NOP14: variants seen among roughly 807,000 people sequenced by gnomAD.
NOP14 encodes NOP14 nucleolar protein.
A neutral mutation model predicts 101.6 loss-of-function variants in NOP14; 57 were observed. That is an observed-to-expected ratio of 0.56 (90% CI 0.45 to 0.70). NOP14 has a LOEUF of 0.70. Ranked by LOEUF, NOP14 falls within the 30% of genes least tolerant of loss-of-function variation. NOP14 has a pLI of 0.00. For synonymous variants in NOP14, 428 were observed against 424.0 expected (o/e 1.01, Z -0.12); for missense variants, 1,134 against 1,075.5 (o/e 1.05, Z -0.76).
intron 3 of NOP14, 116 bp downstream of exon 3, chr4:2,956,554 G>T: frequency 9.6e-7 from 1 of 1,045,676 alleles, no homozygotes; most frequent in Non-Finnish European, 1.3e-6. Flanking sequence ...TTAATGATCA[G>T]TAAAACTTTC....
chr4:2,944,363 G>C, intron 12 of NOP14, 137 bp from the exon 13 acceptor site: 1 of 582,206 alleles, frequency 1.7e-6, no homozygotes, highest in Non-Finnish European at 2.9e-6. Flanking sequence ...CCTTATAGCA[G>C]TGTCGAGAGC....
chr4:2,941,008 T>C (rs1345443455), intron 15 of NOP14: 1 of 151,456 alleles, frequency 6.6e-6, no homozygotes, highest in African/African-American at 2.6e-5. Flanking sequence ...AGGGGCAGGG[T>C]TGGGGCAGGA....
Position 2,938,430 on chromosome 4 carries a change from GA to G in NOP14, c.*400del, listed in dbSNP as rs1489001081. 2.8e-6 allele frequency: 1 copy of G among 351,678 alleles called. No homozygotes were observed. The highest frequency in any genetic ancestry group is 3.9e-5 in the Admixed American group (1 of 25,912). 21.8% of individuals were successfully genotyped at this position (351,678 alleles called of 1,614,324 possible). A position where few individuals can be genotyped will look rare whatever the true frequency, so the allele number is the denominator to read the frequency against. ...AGCTACTCGGGAGGCTGAGGCAGGA[GA>G]ATCGCTTGAACCCAGGAGGTGGAGG... On this transcript the variant is annotated 3_prime_UTR_variant, in exon 18 of 18. Coordinates refer to ENST00000416614, the MANE Select transcript of NOP14 (RefSeq NM_001291978.2).
Position 2,938,420 on chromosome 4 carries a change from T to A in NOP14, c.*411A>T. 2.8e-6 allele frequency: 1 copy of A among 358,952 alleles called. No individual in the cohort carries two copies. The allele number at this position is 358,952 out of a possible 1,614,324, so 22.2% of individuals were successfully genotyped here. Reference sequence around the variant, plus strand: ...CTGTAATCCCAGCTACTCGGGAGGCTGAGGCAGGAGAATCGCTTGAACCCA... The same window carrying A: ...CTGTAATCCCAGCTACTCGGGAGGCAGAGGCAGGAGAATCGCTTGAACCCA... On this transcript the variant is annotated 3_prime_UTR_variant, in exon 18 of 18. Transcript: ENST00000416614.
rs1446800227 is a variant in NOP14, at chr4:2,954,583, A to G, written c.473-20T>C. ...GCTCAGCTGGGGGCAAAAGGCAGAA[A>G]ACCCCACAGTGAAGCCCAGCCCTGG... On this transcript the variant is annotated intron_variant, in intron 3 of 17. Coordinates refer to ENST00000416614, the MANE Select transcript of NOP14 (RefSeq NM_001291978.2). The G allele has an allele frequency of 6.2e-7, 1 of 1,613,062 alleles. No homozygotes were observed. Among genetic ancestry groups the G allele is most frequent in the Non-Finnish European group, 8.5e-7 (1 of 1,179,566 alleles).
At chr4:2,959,402 G>A (rs1263329) in intron 1 of NOP14, among the ~76,000 whole-genome samples, 3 of 151,950 alleles carry the variant, frequency 2.0e-5, no homozygotes, top group East Asian at 3.9e-4. Flanking sequence ...ACCATCCTGG[G>A]TAACATGGTG....
chr4:2,943,094 C>G (rs1464003871), intron 13 of NOP14, among the ~76,000 whole-genome samples: 1 of 152,230 alleles, frequency 6.6e-6, no homozygotes, highest in Non-Finnish European at 1.5e-5. Context: ...AGGTGGCTCT[C>G]CCGGAGGCAG....
chr4:2,956,210 G>GT (rs1384187564), intron 3 of NOP14, among the ~76,000 whole-genome samples: 3 of 152,114 alleles, frequency 2.0e-5, no homozygotes, highest in African/African-American at 4.8e-5. Context: ...TTCCACAGTA[G>GT]GTAAAAGCTA....
intron 1 of NOP14, among the ~76,000 whole-genome samples, chr4:2,959,315 G>C (rs577578456): frequency 6.6e-6 from 1 of 152,204 alleles, no homozygotes; most frequent in Non-Finnish European, 1.5e-5. Context: ...CTTTGGGGCC[G>C]GGCGCGGTGG....
At chr4:2,941,534 G>A (rs757808031) in intron 15 of NOP14, 48 bp downstream of exon 15, 5 of 1,584,402 alleles carry the variant, frequency 3.2e-6, no homozygotes, top group East Asian at 2.2e-5. Flanking sequence ...CCAGCTCAGG[G>A]ACATGTCTGA....
intron 8 of NOP14, among the ~76,000 whole-genome samples, chr4:2,949,490 C>A (rs1560301611): frequency 6.6e-6 from 1 of 152,172 alleles, no homozygotes; most frequent in Non-Finnish European, 1.5e-5. Flanking sequence ...TAGGCATCAG[C>A]CACGCACCTG....
At chr4:2,955,230 C>T (rs1316265433) in intron 3 of NOP14, among the ~76,000 whole-genome samples, 4 of 47,172 alleles carry the variant, frequency 8.5e-5, no homozygotes, top group Admixed American at 1.7e-4. Flanking sequence ...GTCACCTGCA[C>T]GCCACAGCGC....
intron 9 of NOP14, among the ~76,000 whole-genome samples, chr4:2,948,073 G>A (rs1361307022): frequency 6.6e-6 from 1 of 152,246 alleles, no homozygotes; most frequent in Non-Finnish European, 1.5e-5. Context: ...CTGGCACGAG[G>A]CCTAGAGAGG....
At chr4:2,955,319 C>T (rs544643983) in intron 3 of NOP14, among the ~76,000 whole-genome samples, 2 of 84,834 alleles carry the variant, frequency 2.4e-5, no homozygotes, top group East Asian at 3.7e-4. Context: ...CACGCCACGG[C>T]GCCCCCTCTA....
intron 1 of NOP14, 44 bp from the exon 2 acceptor site, chr4:2,957,784 T>C (rs761622968): frequency 6.9e-6 from 11 of 1,604,098 alleles, no homozygotes; most frequent in African/African-American, 1.3e-5. Context: ...ATTCTTGTGA[T>C]TTCCACTACA....
intron 1 of NOP14, among the ~76,000 whole-genome samples, chr4:2,959,390 A>AG (rs1424017671): frequency 1.3e-5 from 2 of 152,216 alleles, no homozygotes; most frequent in East Asian, 3.9e-4. Flanking sequence ...TAGAAGATCA[A>AG]GACCATCCTG....
intron 13 of NOP14, among the ~76,000 whole-genome samples, chr4:2,943,432 C>A (rs554277714): frequency 2.0e-5 from 3 of 152,332 alleles, no homozygotes; most frequent in African/African-American, 7.2e-5. Context: ...CTCCTCACCC[C>A]CCAGAGGGAA....
chr4:2,938,643 C>T lies in NOP14; in HGVS notation c.*188G>A, dbSNP rs1394138114. On this transcript the variant is annotated 3_prime_UTR_variant, in exon 18 of 18. Coordinates refer to ENST00000416614, the MANE Select transcript of NOP14 (RefSeq NM_001291978.2). ...GCTTCAGCCTCCCGAGTAGTTGGGA[C>T]TACAGGTGCGTGCCACCACACTTGG... 6 of 582,026 alleles carry T rather than the reference C, an allele frequency of 1.0e-5. No homozygotes were observed. Among genetic ancestry groups the T allele is most frequent in the African/African-American group, 1.9e-5 (1 of 53,424 alleles). The allele number at this position is 582,026 out of a possible 1,614,324, so 36.1% of individuals were successfully genotyped here.
In NOP14 at chr4:2,954,468, T is replaced by C. The variant is rs1401465322; in HGVS notation, c.568A>G (p.Lys190Glu). ...GCAATGAGCTCTTCAATCAGCTCTTTCCGGGACTTCGGTTTCTCCCGCTCC... is the reference window on the plus strand; with the variant it reads ...GCAATGAGCTCTTCAATCAGCTCTTCCCGGGACTTCGGTTTCTCCCGCTCC... ...GEEREKPKSR[K>E]ELIEELIAKS... The change falls in exon 4 of 18, where the codon AAA becomes GAA. Residue 190 changes from lysine to glutamate, a missense_variant. Lys to Glu is a moderately conservative substitution (Grantham distance 56). Coordinates refer to ENST00000416614, the MANE Select transcript of NOP14 (RefSeq NM_001291978.2). 1.2e-6 allele frequency: 2 copies of C among 1,614,088 alleles called. No individual in the cohort carries two copies. Among genetic ancestry groups the C allele is most frequent in the Non-Finnish European group, 1.7e-6 (2 of 1,180,030 alleles).
Sources: gnomAD v4.1 joint callset for allele counts (sites outside exome capture counted in the v4.1 genomes callset) on GRCh38, gnomAD v4.1.1 for gene constraint, MANE v1.5 for transcripts, NCBI Gene and HGNC (gene_info 2026-07-23, HGNC 2026-07-21) for gene names.